HTR3C: variants seen among roughly 807,000 people sequenced by gnomAD.
The protein encoded by HTR3C is 5-HT3-C.
A neutral mutation model predicts 40.5 loss-of-function variants in HTR3C; 32 were observed. The ratio of observed to expected loss-of-function variants is 0.79; its 90% confidence interval spans 0.60 to 1.06. The LOEUF (loss-of-function observed/expected upper bound fraction) is 1.06, where lower values mean the gene tolerates loss of function less well. Among genes scored for constraint, HTR3C ranks in the 50% least tolerant of loss-of-function variants. The pLI, the probability that HTR3C is intolerant of heterozygous loss-of-function variation, is 0.00. For synonymous variants in HTR3C, 209 were observed against 217.1 expected (o/e 0.96, Z 0.33); for missense variants, 523 against 556.8 (o/e 0.94, Z 0.61).
At chr3:184,059,802 T>G in intron 7 of HTR3C, 26 bp from the exon 8 acceptor site, 1 of 1,612,746 alleles carries the variant, frequency 6.2e-7, no homozygotes, top group East Asian at 2.2e-5. Flanking sequence ...TTTGCCTGGT[T>G]TATTTATAAT....
Position 184,053,468 on chromosome 3 carries a change from T to C in HTR3C, c.67+321T>C, listed in dbSNP as rs184301941. Among the ~76,000 whole-genome samples, 382 of 152,242 alleles carry C rather than the reference T, an allele frequency of 2.5e-3. 1 individual carries two copies. The highest frequency in any genetic ancestry group is 0.011 in the South Asian group (55 of 4,824). ...CTTGTCTCTGTTTCTCCTGACATGA[T>C]ATCTATGAGAAGAGTAGCCACTGAT... On this transcript the variant is annotated intron_variant, in intron 1 of 8. Coordinates refer to ENST00000318351, the MANE Select transcript of HTR3C (RefSeq NM_130770.3).
In HTR3C at chr3:184,059,850, G is replaced by T. The variant is rs1208743716; in HGVS notation, c.948G>T (p.Leu316=). The T allele has an allele frequency of 6.2e-7, 1 of 1,613,982 alleles. No homozygotes were observed. Among genetic ancestry groups the T allele is most frequent in the South Asian group, 1.1e-5 (1 of 91,074 alleles). ...CAGGTGTCTACTTCGCCCTGTGCCT[G>T]TCCCTGATGGTGGTCAGCCTGCTGG... The part of the protein sequence containing the change: ...PLISVYFALC[L]SLMVVSLLET... The change falls in exon 8 of 9, where the codon CTG becomes CTT. Residue 316 remains leucine, a synonymous_variant. Coordinates refer to ENST00000318351, the MANE Select transcript of HTR3C (RefSeq NM_130770.3).
intron 1 of HTR3C, 115 bp from the exon 2 acceptor site, chr3:184,054,606 T>A (rs568137103): frequency 2.3e-6 from 2 of 870,696 alleles, no homozygotes; most frequent in East Asian, 5.8e-5. Context: ...AGTCTTGGCA[T>A]GGGAAGGAGG....
chr3:184,056,726 C>A (rs1723334589), intron 4 of HTR3C, 149 bp from the exon 5 acceptor site: 2 of 670,870 alleles, frequency 3.0e-6, no homozygotes, highest in East Asian at 6.0e-5. Flanking sequence ...CCAGCCTGGG[C>A]TACAAGAGTG....
In HTR3C at chr3:184,058,543, A is replaced by G. The variant is rs2108972666; in HGVS notation, c.676A>G (p.Lys226Glu). The change falls in exon 6 of 9, where the codon AAG becomes GAG. Residue 226 changes from lysine to glutamate, a missense_variant. Coordinates refer to ENST00000318351, the MANE Select transcript of HTR3C (RefSeq NM_130770.3). Reference sequence around the variant, plus strand: ...CTTGGGCATCAACAAGGCCACCCCAAAGATGTCCATGGGCAACAACCTATA... The same window carrying G: ...CTTGGGCATCAACAAGGCCACCCCAGAGATGTCCATGGGCAACAACCTATA... ...ELLGINKATPKMSMGNNLYDQ... is the reference protein window; with the variant it reads ...ELLGINKATPEMSMGNNLYDQ... 2 of 1,613,558 alleles carry G rather than the reference A, an allele frequency of 1.2e-6. No individual in the cohort carries two copies. The highest frequency in any genetic ancestry group is 2.2e-5 in the East Asian group (1 of 44,824).
intron 6 of HTR3C, among the ~76,000 whole-genome samples, 179 bp downstream of exon 6, chr3:184,058,766 C>A (rs1723382977): frequency 6.6e-6 from 1 of 151,998 alleles, no homozygotes; most frequent in African/African-American, 2.4e-5. Flanking sequence ...AGTTCAGGAC[C>A]AGCCTGGCCA....
chr3:184,054,829 A>C lies in HTR3C; in HGVS notation c.176A>C (p.Asn59Thr). ...AGAAAGGCCTTCCGTCCATTCACCA[A>C]CTACAGCATCCCTACCCGTGTCAAC... ...FDRKAFRPFT[N>T]YSIPTRVNIS... is the part of the protein sequence containing the mutation. The change falls in exon 2 of 9, where the codon AAC becomes ACC. Residue 59 changes from asparagine to threonine, a missense_variant. Asn to Thr is a moderately conservative substitution (Grantham distance 65, BLOSUM62 0). Transcript: ENST00000318351. 1 of 1,613,818 alleles carries C rather than the reference A, an allele frequency of 6.2e-7. No homozygotes were observed. The highest frequency in any genetic ancestry group is 8.5e-7 in the Non-Finnish European group (1 of 1,179,826).
chr3:184,060,443 TC>T lies in HTR3C; in HGVS notation c.*95del. ...TCATTTTCCTAATCTTAGCCACTTATCCCCAGTGACTACCATGTCCCCTTCT... is the reference window on the plus strand; with the variant it reads ...TCATTTTCCTAATCTTAGCCACTTATCCCAGTGACTACCATGTCCCCTTCT... On this transcript the variant is annotated 3_prime_UTR_variant, in exon 9 of 9. Coordinates refer to ENST00000318351, the MANE Select transcript of HTR3C (RefSeq NM_130770.3). 2 of 1,491,898 alleles carry T rather than the reference TC, an allele frequency of 1.3e-6. No individual in the cohort carries two copies. The highest frequency in any genetic ancestry group is 1.9e-6 in the Non-Finnish European group (2 of 1,074,080). 92.4% of individuals were successfully genotyped at this position (1,491,898 alleles called of 1,614,324 possible).
At chr3:184,057,816 G>T (rs1287576772) in intron 5 of HTR3C, among the ~76,000 whole-genome samples, 1 of 152,218 alleles carries the variant, frequency 6.6e-6, no homozygotes, top group Non-Finnish European at 1.5e-5. Context: ...CGATTAAATT[G>T]TTCCAGGTGG....
chr3:184,060,412 C>T lies in HTR3C; in HGVS notation c.*60C>T. 1 of 1,604,236 alleles carries T rather than the reference C, an allele frequency of 6.2e-7. No homozygotes were observed. Among genetic ancestry groups the T allele is most frequent in the Non-Finnish European group, 8.5e-7 (1 of 1,171,478 alleles). On this transcript the variant is annotated 3_prime_UTR_variant, in exon 9 of 9. Transcript: ENST00000318351. ...GGAGTTTCTGCTGGTCTTGGGCCAG[C>T]CGGACTCATTTTCCTAATCTTAGCC...
intron 1 of HTR3C, among the ~76,000 whole-genome samples, chr3:184,054,117 T>C (rs1271972700): frequency 6.6e-6 from 1 of 152,152 alleles, no homozygotes; most frequent in African/African-American, 2.4e-5. Flanking sequence ...ATGATCCCGA[T>C]GCTAGAAATA....
In HTR3C at chr3:184,055,292, A is replaced by C; in HGVS notation, c.235-20A>C. 1.3e-6 allele frequency: 2 copies of C among 1,581,512 alleles called. No individual in the cohort carries two copies. ...AAACCTTTTAACACTAATAATCCTG[A>C]GTGGAAATTTCCTTGTCAGGATGCA... is the stretch of plus-strand genomic sequence containing the variant. On this transcript the variant is annotated intron_variant, in intron 2 of 8. Coordinates refer to ENST00000318351, the MANE Select transcript of HTR3C (RefSeq NM_130770.3).
At chr3:184,054,984 A>G in intron 2 of HTR3C, 97 bp downstream of exon 2, 1 of 1,237,992 alleles carries the variant, frequency 8.1e-7, no homozygotes, top group Non-Finnish European at 1.1e-6. Flanking sequence ...CGTGGTGAAC[A>G]ATAGGCACCC....
rs774387358 is a variant in HTR3C at position 184,060,214 on chromosome 3, G to A, written c.1206G>A (p.Gly402=). 3.7e-6 allele frequency: 6 copies of A among 1,614,002 alleles called. No homozygotes were observed. The East Asian group carries it at 8.9e-5, about 24-fold the overall frequency. Reference sequence around the variant, plus strand: ...GACCCAGAGAGACCGAGCCAGATGGGGGCTCAGGATGGACAAAGACCCAGC... The same window carrying A: ...GACCCAGAGAGACCGAGCCAGATGGAGGCTCAGGATGGACAAAGACCCAGC... ...KLGPRETEPD[G]GSGWTKTQLM... The change falls in exon 9 of 9, where the codon GGG becomes GGA. Residue 402 remains glycine, a synonymous_variant. Coordinates refer to ENST00000318351, the MANE Select transcript of HTR3C (RefSeq NM_130770.3).
chr3:184,057,659 C>T (rs536355686), intron 5 of HTR3C, among the ~76,000 whole-genome samples: 4 of 152,222 alleles, frequency 2.6e-5, no homozygotes, highest in Admixed American at 6.5e-5. Context: ...GCGTGAAACT[C>T]GGGAGGTGGA....
intron 7 of HTR3C, 44 bp from the exon 8 acceptor site, chr3:184,059,782 TAG>T: frequency 6.2e-7 from 1 of 1,605,950 alleles, no homozygotes; most frequent in Non-Finnish European, 8.5e-7. Flanking sequence ...GAGGAATGCT[TAG>T]AGATAAATTT....
Position 184,059,970 on chromosome 3 carries a change from C to A in HTR3C, c.1068C>A (p.Ser356Arg). Residue 356 changes from serine to arginine, a missense_variant, in exon 8 of 9, where the codon AGC (serine) becomes AGA (arginine). Physicochemically the swap from Ser to Arg is moderately radical, Grantham distance 110. Coordinates refer to ENST00000318351, the MANE Select transcript of HTR3C (RefSeq NM_130770.3). The stretch of plus-strand genomic sequence containing the variant: ...ACTCCCTGCTGCTCCACTGCACCAG[C>A]CCAGGGAGATGCTGTCCCACTGCGC... Reference protein sequence around the residue: ...WLHSLLLHCTSPGRCCPTAPQ... With the variant: ...WLHSLLLHCTRPGRCCPTAPQ... The A allele has an allele frequency of 6.2e-7, 1 of 1,613,814 alleles. No homozygotes were observed. The highest frequency in any genetic ancestry group is 8.5e-7 in the Non-Finnish European group (1 of 1,179,992).
chr3:184,057,091 T>A, intron 5 of HTR3C, 47 bp downstream of exon 5: 1 of 1,418,178 alleles, frequency 7.1e-7, no homozygotes, highest in Non-Finnish European at 9.8e-7. Flanking sequence ...AGGGAAGACA[T>A]TTGAGTGGTG....
chr3:184,053,188 C>T (rs375704677), intron 1 of HTR3C, 41 bp downstream of exon 1: 18 of 1,471,724 alleles, frequency 1.2e-5, no homozygotes, highest in Admixed American at 5.0e-5. Flanking sequence ...AGTGTGGTTC[C>T]GAGGGACACC....
Sources: gnomAD v4.1 joint callset for allele counts (sites outside exome capture counted in the v4.1 genomes callset) on GRCh38, gnomAD v4.1.1 for gene constraint, MANE v1.5 for transcripts, NCBI Gene and HGNC (gene_info 2026-07-23, HGNC 2026-07-21) for gene names.